ADAM12: variants seen among roughly 807,000 people sequenced by gnomAD.
ADAM12 encodes the protein ADAM metallopeptidase domain 12.
ADAM12 carries 70 observed loss-of-function variants against 106.4 expected under a neutral mutation model. The ratio of observed to expected loss-of-function variants is 0.66; its 90% CI spans 0.54 to 0.80. The LOEUF is 0.80. Ranked by LOEUF, ADAM12 falls within the 30% of genes least tolerant of loss-of-function variation. The pLI is 0.00. For missense variants in ADAM12, 1,010 were observed against 1,171.9 expected (o/e 0.86, Z 2.02); for synonymous variants, 420 against 433.5 (o/e 0.97, Z 0.39).
chr10:126,125,893 C>T (rs889336617), intron 5 of ADAM12, among the ~76,000 whole-genome samples: 17 of 151,344 alleles, frequency 1.1e-4, no homozygotes, highest in South Asian at 2.1e-4. Flanking sequence ...CAAGCAGAAA[C>T]GGGAGTGACA....
chr10:126,327,853 C>T (rs986469190), intron 2 of ADAM12, among the ~76,000 whole-genome samples: 2 of 152,290 alleles, frequency 1.3e-5, no homozygotes, highest in African/African-American at 2.4e-5. Flanking sequence ...CAGGCTACTA[C>T]TTCCACAGTG....
At position 126,100,534 on chromosome 10, in the gene ADAM12, T is replaced by C. The variant is rs1337918074; in HGVS notation, c.911+538A>G. Reference sequence around the variant, plus strand: ...TTGGCCAACATGGTGAAACCCTGTCTCTACTAAAAAAAAAAAAAAAAAATA... The same window carrying C: ...TTGGCCAACATGGTGAAACCCTGTCCCTACTAAAAAAAAAAAAAAAAAATA... On this transcript the variant is annotated intron_variant, in intron 9 of 22. Transcript: ENST00000448723. Among the ~76,000 whole-genome samples the C allele has an allele frequency of 4.1e-5, 6 of 145,160 alleles. No individual in the cohort carries two copies. The East Asian group carries it at 1.2e-3, about 29-fold the overall frequency.
At chr10:126,253,042 C>A (rs569556251) in intron 3 of ADAM12, among the ~76,000 whole-genome samples, 4 of 152,192 alleles carry the variant, frequency 2.6e-5, no homozygotes, top group Non-Finnish European at 5.9e-5. Context: ...TAGCTACTGT[C>A]ACATAACAGG....
chr10:126,203,527 G>C (rs1046296599), intron 3 of ADAM12, among the ~76,000 whole-genome samples: 1 of 152,078 alleles, frequency 6.6e-6, no homozygotes, highest in African/African-American at 2.4e-5. Context: ...TAAACACGCA[G>C]AAATACAGAA....
At chr10:126,051,536 C>CCCCT (rs1954490792) in intron 14 of ADAM12, among the ~76,000 whole-genome samples, 1 of 118,892 alleles carries the variant, frequency 8.4e-6, no homozygotes, top group African/African-American at 3.2e-5. Flanking sequence ...CAGCCAGCCA[C>CCCCT]CCATCCATCC....
intron 2 of ADAM12, among the ~76,000 whole-genome samples, chr10:126,302,969 C>G (rs1418273078): frequency 6.6e-6 from 1 of 152,140 alleles, no homozygotes; most frequent in African/African-American, 2.4e-5. Flanking sequence ...GGTTTTGGAA[C>G]AGGCTGGGCA....
chr10:126,268,427 C>T (rs4962331), intron 3 of ADAM12, among the ~76,000 whole-genome samples: 64,365 of 152,014 alleles, frequency 0.42, 14,005 homozygotes, highest in East Asian at 0.59. Context: ...ATGCCGCTGC[C>T]ACGAATGTGG....
At chr10:126,177,759 T>C (rs1387808880) in intron 3 of ADAM12, among the ~76,000 whole-genome samples, 1 of 152,170 alleles carries the variant, frequency 6.6e-6, no homozygotes, top group Non-Finnish European at 1.5e-5. Flanking sequence ...AGTTAAATAA[T>C]ACAATCAAGA....
chr10:126,142,353 T>G (rs1343868951), intron 4 of ADAM12, among the ~76,000 whole-genome samples: 1 of 152,178 alleles, frequency 6.6e-6, no homozygotes, highest in Admixed American at 6.5e-5. Flanking sequence ...AGATTGTAGA[T>G]TAACTAAAAG....
chr10:126,235,296 C>T (rs1278023094), intron 3 of ADAM12, among the ~76,000 whole-genome samples: 1 of 152,234 alleles, frequency 6.6e-6, no homozygotes, highest in African/African-American at 2.4e-5. Flanking sequence ...CCGGATGAAC[C>T]TCAGGCCTGG....
intron 3 of ADAM12, among the ~76,000 whole-genome samples, chr10:126,248,669 GTATGTATGTATGTATGTATTTATTTATT>G (rs200912659): frequency 0.21 from 22,733 of 108,388 alleles, 2,173 homozygotes; most frequent in South Asian, 0.39. Flanking sequence ...ATGTATGTAT[GTATGTATGTATGTATGTATTTATTTATT>G]TATTTATTTA....
At chr10:126,381,966 C>A (rs1399165297) in intron 1 of ADAM12, among the ~76,000 whole-genome samples, 1 of 108,834 alleles carries the variant, frequency 9.2e-6, no homozygotes, top group Non-Finnish European at 1.9e-5. Context: ...CAATGCAAGA[C>A]CCTGTCTCAA....
intron 1 of ADAM12, among the ~76,000 whole-genome samples, chr10:126,368,120 T>C (rs1855978451): frequency 2.0e-5 from 3 of 151,908 alleles, no homozygotes; most frequent in Admixed American, 2.0e-4. Flanking sequence ...AGTATATGTA[T>C]GCATGTGTGT....
intron 17 of ADAM12, among the ~76,000 whole-genome samples, chr10:126,044,810 G>A (rs544343964): frequency 6.6e-6 from 1 of 152,338 alleles, no homozygotes; most frequent in South Asian, 2.1e-4. Flanking sequence ...GCAAGTGGCA[G>A]AGCCTACGTC....
In ADAM12 at chr10:126,339,846, GCTT is replaced by G. The variant is rs1283740377; in HGVS notation, c.89-9340_89-9338del. ...GAGTGAAGTGGGAAGCCATTCTAGG[GCTT>G]TTTTTTTTTTTTTTTTTTTTTTTGA... On this transcript the variant is annotated intron_variant, in intron 1 of 22. Transcript: ENST00000448723. 9.1e-4 allele frequency among the ~76,000 whole-genome samples: 122 copies of G among 133,378 alleles called. 1 individual carries two copies. In the Admixed American group the frequency reaches 9.2e-3, roughly 10 times the overall value. 87.5% of individuals were successfully genotyped at this position (133,378 alleles called of 152,430 possible).
chr10:126,167,942 C>T (rs547778377), intron 3 of ADAM12, among the ~76,000 whole-genome samples: 3 of 152,210 alleles, frequency 2.0e-5, no homozygotes, highest in East Asian at 1.9e-4. Context: ...ACTCTTACAG[C>T]GGCAATGGGC....
chr10:126,328,059 T>A (rs1346711719), intron 2 of ADAM12, among the ~76,000 whole-genome samples: 1 of 152,254 alleles, frequency 6.6e-6, no homozygotes, highest in Non-Finnish European at 1.5e-5. Context: ...TAGAAAGGGC[T>A]TTCCTGGCCA....
intron 5 of ADAM12, 87 bp from the exon 6 acceptor site, chr10:126,118,311 A>G: frequency 1.1e-6 from 1 of 950,002 alleles, no homozygotes; most frequent in Middle Eastern, 3.1e-4. Context: ...CAAGAGAGAG[A>G]ATGAAAACAG....
In ADAM12 at chr10:126,118,161, T is replaced by A. The variant is rs748412799; in HGVS notation, c.480A>T (p.Arg160Ser). The A allele has an allele frequency of 1.4e-4, 219 of 1,614,052 alleles. No homozygotes were observed. The highest frequency in any genetic ancestry group is 9.3e-4 in the Admixed American group (56 of 60,000). The change falls in exon 6 of 23, where the codon AGA becomes AGT. Residue 160 changes from arginine to serine, a missense_variant. Arg to Ser is a moderately radical substitution (Grantham distance 110, BLOSUM62 -1). This residue lies in a region of ADAM12 where 391 missense variants were observed against 442.9 expected (regional missense o/e 0.88). Transcript: ENST00000448723. ...GCTTCTTCGCTGGGAAGAGTTTGTA[T>A]CTGTTGGTTGCACTTTTCATTGGTT... The part of the protein sequence containing the change: ...VLEPMKSATN[R>S]YKLFPAKKLK...
Sources: gnomAD v4.1 joint callset for allele counts (sites outside exome capture counted in the v4.1 genomes callset) on GRCh38, gnomAD v4.1.1 for gene constraint, gnomAD v4.1.1 regional missense constraint, MANE v1.5 for transcripts, NCBI Gene and HGNC (gene_info 2026-07-23, HGNC 2026-07-21) for gene names.